Variants in CNTN1 observed in about 807,000 individuals in gnomAD.
The protein encoded by CNTN1 is contactin-1.
A neutral mutation model predicts 126.4 loss-of-function variants in CNTN1; 38 were observed. The ratio of observed to expected loss-of-function variants is 0.30; its 90% confidence interval spans 0.23 to 0.39. The LOEUF (loss-of-function observed/expected upper bound fraction) is 0.39. Among genes scored for constraint, CNTN1 ranks in the 10% least tolerant of loss-of-function variants. CNTN1 has a pLI of 1.00. For missense variants in CNTN1, 1,009 were observed against 1,248.4 expected (o/e 0.81, Z 2.89); for synonymous variants, 413 against 422.6 (o/e 0.98, Z 0.28).
chr12:40,838,227 C>A (rs1038072653), intron 1 of CNTN1, among the ~76,000 whole-genome samples: 2 of 152,196 alleles, frequency 1.3e-5, no homozygotes, highest in African/African-American at 2.4e-5. Flanking sequence ...CTCTAAACTC[C>A]CAGCCACTAC....
chr12:40,848,250 T>C (rs2136607844), intron 1 of CNTN1, among the ~76,000 whole-genome samples: 1 of 152,352 alleles, frequency 6.6e-6, no homozygotes, highest in South Asian at 2.1e-4. Flanking sequence ...AAAGAACGCA[T>C]CTGATACTCT....
At chr12:40,930,486 A>G (rs1014759408) in intron 7 of CNTN1, among the ~76,000 whole-genome samples, 2 of 151,950 alleles carry the variant, frequency 1.3e-5, no homozygotes, top group African/African-American at 4.8e-5. Context: ...TTTCTAATCT[A>G]CATAATCAGC....
chr12:40,860,912 C>G (rs1489952606), intron 1 of CNTN1, among the ~76,000 whole-genome samples: 1 of 152,076 alleles, frequency 6.6e-6, no homozygotes, highest in African/African-American at 2.4e-5. Context: ...CTGAAGCTAT[C>G]TAGGGGCCCA....
intron 1 of CNTN1, among the ~76,000 whole-genome samples, chr12:40,756,654 T>C (rs947744140): frequency 6.6e-6 from 1 of 152,124 alleles, no homozygotes; most frequent in Non-Finnish European, 1.5e-5. Flanking sequence ...GAGCCTAGAA[T>C]GCTTTCCCCT....
chr12:40,733,706 A>C (rs1029763150), intron 1 of CNTN1, among the ~76,000 whole-genome samples: 10 of 152,026 alleles, frequency 6.6e-5, no homozygotes, highest in African/African-American at 2.2e-4. Flanking sequence ...TATATTTAAA[A>C]AGAATAAATA....
intron 14 of CNTN1, among the ~76,000 whole-genome samples, chr12:40,950,099 T>TGG: frequency 1.4e-4 from 1 of 6,940 alleles, no homozygotes; most frequent in East Asian, 1.1e-3. Flanking sequence ...GTTGAGAGGG[T>TGG]GTGTGTGTGT....
intron 17 of CNTN1, among the ~76,000 whole-genome samples, chr12:41,002,311 TTTG>T (rs1217500930): frequency 4.4e-4 from 54 of 123,100 alleles, no homozygotes; most frequent in Middle Eastern, 3.8e-3. Context: ...CTCTGATTTG[TTTG>T]AGCAGTGGTT....
chr12:40,713,849 A>G (rs1292131236), intron 1 of CNTN1, among the ~76,000 whole-genome samples: 4 of 152,082 alleles, frequency 2.6e-5, no homozygotes, highest in African/African-American at 9.7e-5. Flanking sequence ...TCTTTTCCAC[A>G]TTTAGTGCTT....
At chr12:40,884,352 T>A (rs969498224) in intron 1 of CNTN1, among the ~76,000 whole-genome samples, 3 of 151,522 alleles carry the variant, frequency 2.0e-5, no homozygotes, top group African/African-American at 7.2e-5. Context: ...TTTTCCTGAT[T>A]CTGATTATTA....
chr12:40,868,288 A>T (rs937723881), intron 1 of CNTN1, among the ~76,000 whole-genome samples: 1 of 152,160 alleles, frequency 6.6e-6, no homozygotes, highest in Non-Finnish European at 1.5e-5. Context: ...AAAGATCATT[A>T]AGATTTTAAT....
At chr12:40,996,941 G>T (rs1423629047) in intron 17 of CNTN1, among the ~76,000 whole-genome samples, 1 of 152,180 alleles carries the variant, frequency 6.6e-6, no homozygotes, top group African/African-American at 2.4e-5. Flanking sequence ...ACAAAGGCTG[G>T]TTCCCATTTG....
At position 40,797,920 on chromosome 12, in the gene CNTN1, G is replaced by A. The variant is rs1349630166; in HGVS notation, c.-77+105328G>A. Among the ~76,000 whole-genome samples the A allele has an allele frequency of 3.9e-5, 6 of 151,966 alleles. No individual in the cohort carries two copies. The East Asian group carries it at 7.7e-4, about 20-fold the overall frequency. On this transcript the variant is annotated intron_variant, in intron 1 of 23. Coordinates refer to ENST00000551295, the MANE Select transcript of CNTN1 (RefSeq NM_001843.4). The stretch of plus-strand genomic sequence containing the variant: ...GAACTGGAAGATGATCCCATTTTAT[G>A]GGAAATGTCAAGAGTTCAATTGTGA...
chr12:40,896,435 T>C (rs1944417345), intron 1 of CNTN1, among the ~76,000 whole-genome samples: 1 of 152,178 alleles, frequency 6.6e-6, no homozygotes, highest in Non-Finnish European at 1.5e-5. Flanking sequence ...CTGAAATGAC[T>C]TGCCTAAATC....
intron 1 of CNTN1, among the ~76,000 whole-genome samples, chr12:40,715,869 A>T (rs1419772267): frequency 1.6e-4 from 24 of 152,150 alleles, no homozygotes; most frequent in Admixed American, 1.6e-3. Flanking sequence ...GGTAACTTTA[A>T]CAATACTGAT....
intron 1 of CNTN1, among the ~76,000 whole-genome samples, chr12:40,831,925 G>A (rs1941855509): frequency 6.6e-6 from 1 of 152,146 alleles, no homozygotes; most frequent in Admixed American, 6.5e-5. Context: ...TAGGAGAAAT[G>A]AGGAATTATG....
chr12:40,889,906 G>A (rs754563790), intron 1 of CNTN1, among the ~76,000 whole-genome samples: 60 of 152,074 alleles, frequency 3.9e-4, no homozygotes, highest in Admixed American at 1.4e-3. Flanking sequence ...TTACCTACAC[G>A]TAATTTTGAA....
intron 12 of CNTN1, among the ~76,000 whole-genome samples, chr12:40,942,335 T>G (rs1000422984): frequency 1.3e-5 from 2 of 152,004 alleles, no homozygotes; most frequent in African/African-American, 4.8e-5. Context: ...CTTGGAAAAG[T>G]ATTTTACTGA....
At chr12:41,047,986 C>T (rs1405439604) in intron 23 of CNTN1, among the ~76,000 whole-genome samples, 2 of 152,148 alleles carry the variant, frequency 1.3e-5, no homozygotes, top group African/African-American at 4.8e-5. Context: ...CTTGTATCCT[C>T]ACTCTTTCCA....
At chr12:40,878,084 A>G (rs1035065533) in intron 1 of CNTN1, among the ~76,000 whole-genome samples, 2 of 136,482 alleles carry the variant, frequency 1.5e-5, no homozygotes, top group African/African-American at 5.4e-5. Flanking sequence ...AGCAACCTCT[A>G]CTTCCTGGGT....
Sources: gnomAD v4.1 joint callset for allele counts (sites outside exome capture counted in the v4.1 genomes callset) on GRCh38, gnomAD v4.1.1 for gene constraint, MANE v1.5 for transcripts, NCBI Gene and HGNC (gene_info 2026-07-23, HGNC 2026-07-21) for gene names.